THEMIS: variants seen among roughly 807,000 people sequenced by gnomAD.
THEMIS encodes the protein protein THEMIS.
Under a neutral mutation model 52.6 loss-of-function variants are expected in THEMIS, and 37 were observed. That is an observed-to-expected ratio of 0.70 (90% CI 0.54 to 0.93). THEMIS has a LOEUF of 0.93. Among genes scored for constraint, THEMIS ranks in the 40% least tolerant of loss-of-function variants. The pLI is 0.00. For synonymous variants in THEMIS, 292 were observed against 272.7 expected, an observed-to-expected ratio of 1.07 and a Z score of -0.70; for missense variants, 808 against 763.1, an observed-to-expected ratio of 1.06 and a Z score of -0.69.
chr6:127,852,627 T>A (rs976006998), intron 2 of THEMIS, among the ~76,000 whole-genome samples: 3 of 151,568 alleles, frequency 2.0e-5, no homozygotes, highest in African/African-American at 7.3e-5. Context: ...TTTGACTTTT[T>A]AAGTCAAAAA....
At chr6:127,865,132 A>T (rs1430581156) in intron 1 of THEMIS, among the ~76,000 whole-genome samples, 1 of 152,110 alleles carries the variant, frequency 6.6e-6, no homozygotes, top group African/African-American at 2.4e-5. Flanking sequence ...TTAACTACTA[A>T]ATATGCAGCA....
At chr6:127,761,615 C>G (rs1389705031) in intron 4 of THEMIS, among the ~76,000 whole-genome samples, 3 of 152,148 alleles carry the variant, frequency 2.0e-5, no homozygotes, top group Admixed American at 1.3e-4. Flanking sequence ...TATACAGGAC[C>G]TGATGAAACC....
chr6:127,825,394 G>T (rs1257500887), intron 3 of THEMIS, among the ~76,000 whole-genome samples: 3 of 152,198 alleles, frequency 2.0e-5, no homozygotes, highest in Non-Finnish European at 2.9e-5. Context: ...ATACAGGATG[G>T]TGGAAGATAA....
rs142123167 is a variant in THEMIS at position 127,819,118 on chromosome 6, T to TAAAAA, written c.710-5192_710-5188dup. On this transcript the variant is annotated intron_variant, in intron 3 of 5. Coordinates refer to ENST00000368248, the MANE Select transcript of THEMIS (RefSeq NM_001010923.3). ...CTGGGTGAAAGAGTGAGACTCTGTC[T>TAAAAA]AAAAAAAAAAAAAAAAAAAAAAAAA... Among the ~76,000 whole-genome samples the TAAAAA allele has an allele frequency of 2.3e-3, 45 of 19,482 alleles. 3 individuals carry two copies. The highest frequency in any genetic ancestry group is 3.8e-3 in the African/African-American group (19 of 5,008). 12.8% of individuals were successfully genotyped at this position (19,482 alleles called of 152,430 possible).
intron 1 of THEMIS, among the ~76,000 whole-genome samples, chr6:127,861,615 T>C (rs1040884271): frequency 2.0e-5 from 3 of 151,344 alleles, no homozygotes; most frequent in African/African-American, 4.9e-5. Flanking sequence ...GAAACCTGTC[T>C]CTACTAAAAA....
chr6:127,787,874 G>GAT (rs369470015), intron 4 of THEMIS, among the ~76,000 whole-genome samples: 26,628 of 128,688 alleles, frequency 0.21, 2,763 homozygotes, highest in East Asian at 0.4. Flanking sequence ...TAGATAGATA[G>GAT]ATAGATATAG....
chr6:127,807,708 T>C (rs1376060520), intron 4 of THEMIS, among the ~76,000 whole-genome samples: 1 of 152,212 alleles, frequency 6.6e-6, no homozygotes, highest in Non-Finnish European at 1.5e-5. Context: ...ACACTCTTAA[T>C]GTATTTATAC....
chr6:127,907,021 T>A (rs1781288396), intron 1 of THEMIS, among the ~76,000 whole-genome samples: 1 of 151,942 alleles, frequency 6.6e-6, no homozygotes, highest in African/African-American at 2.4e-5. Context: ...ATTATAATAT[T>A]TCAGTGCAAT....
intron 3 of THEMIS, among the ~76,000 whole-genome samples, chr6:127,825,058 A>T (rs1778462045): frequency 6.6e-6 from 1 of 152,206 alleles, no homozygotes; most frequent in African/African-American, 2.4e-5. Context: ...AATTAAAAAT[A>T]TGATAACGAA....
At chr6:127,703,846 T>TG (rs1773765075), downstream of THEMIS, among the ~76,000 whole-genome samples, 1 of 152,190 alleles carries the variant, frequency 6.6e-6, no homozygotes, top group African/African-American at 2.4e-5. Flanking sequence ...TACCTCAGAC[T>TG]GGGTAATTTA....
intron 1 of THEMIS, among the ~76,000 whole-genome samples, chr6:127,878,366 A>G (rs185667415): frequency 6.6e-6 from 1 of 152,250 alleles, no homozygotes; most frequent in Non-Finnish European, 1.5e-5. Context: ...CTTTTCAGGC[A>G]AGGTACTGTC....
At chr6:127,770,380 T>C (rs1042029084) in intron 4 of THEMIS, among the ~76,000 whole-genome samples, 5 of 152,220 alleles carry the variant, frequency 3.3e-5, no homozygotes, top group African/African-American at 1.2e-4. Flanking sequence ...CCAGTGATGG[T>C]GAGCATTTTT....
At chr6:127,896,401 A>G (rs1780968771) in intron 1 of THEMIS, among the ~76,000 whole-genome samples, 1 of 151,550 alleles carries the variant, frequency 6.6e-6, no homozygotes, top group Admixed American at 6.6e-5. Flanking sequence ...AAATGGCATG[A>G]AAAAATCAAA....
At chr6:127,908,282 T>A (rs112976296) in intron 1 of THEMIS, among the ~76,000 whole-genome samples, 2 of 152,226 alleles carry the variant, frequency 1.3e-5, no homozygotes, top group African/African-American at 4.8e-5. Flanking sequence ...AGACATTACA[T>A]TTTAGCTGAC....
upstream of THEMIS, among the ~76,000 whole-genome samples, chr6:127,902,169 T>C (rs1037163355): frequency 6.6e-6 from 1 of 151,088 alleles, no homozygotes; most frequent in East Asian, 2.0e-4. Flanking sequence ...TACAAAAAAA[T>C]TAAAAAATTA....
At chr6:127,698,119 A>G in the THEMIS span, among the ~76,000 whole-genome samples, 2 of 152,180 alleles carry the variant, frequency 1.3e-5, no homozygotes, top group Non-Finnish European at 2.9e-5. Context: ...AAAAATAGCC[A>G]TTCAACTTAA....
chr6:127,799,219 T>C (rs1446055089), intron 4 of THEMIS, among the ~76,000 whole-genome samples: 1 of 152,174 alleles, frequency 6.6e-6, no homozygotes, highest in Admixed American at 6.5e-5. Flanking sequence ...GATTTTCTTT[T>C]TAGAATTATC....
chr6:127,711,781 C>A (rs988429677), intron 5 of THEMIS, among the ~76,000 whole-genome samples: 1 of 151,872 alleles, frequency 6.6e-6, no homozygotes, highest in African/African-American at 2.4e-5. Flanking sequence ...TTCTTCCTTA[C>A]AGTGCTGCTT....
Position 127,813,826 on chromosome 6 carries a change from T to A in THEMIS, c.815A>T (p.Asp272Val), listed in dbSNP as rs754236345. Residue 272 changes from aspartate to valine, a missense_variant, in exon 4 of 6, where the codon GAT becomes GTT. Coordinates refer to ENST00000368248, the MANE Select transcript of THEMIS (RefSeq NM_001010923.3). ...CTCTTTACTAGTCATTTCAAAAAGA[T>A]CTTCTGTTGATAACAGCTGAAGAAA... ...NWFLQLLSTEDLFEMTSKEFP... is the reference protein window; with the variant it reads ...NWFLQLLSTEVLFEMTSKEFP... 6 of 1,613,932 alleles carry A rather than the reference T, an allele frequency of 3.7e-6. No individual in the cohort carries two copies. The highest frequency in any genetic ancestry group is 5.1e-6 in the Non-Finnish European group (6 of 1,179,914).
Sources: gnomAD v4.1 joint callset for allele counts (sites outside exome capture counted in the v4.1 genomes callset) on GRCh38, gnomAD v4.1.1 for gene constraint, MANE v1.5 for transcripts, NCBI Gene and HGNC (gene_info 2026-07-23, HGNC 2026-07-21) for gene names.